Variants in PPP2R3A observed in about 807,000 individuals in gnomAD.
PPP2R3A encodes protein phosphatase 2 regulatory subunit B''alpha, also known as serine/threonine-protein phosphatase 2A regulatory subunit B'' subunit alpha.
In PPP2R3A, 80 loss-of-function variants were observed where a neutral mutation model predicts 106.9. The ratio of observed to expected loss-of-function variants is 0.75; its 90% CI spans 0.62 to 0.90. The LOEUF is 0.90. Ranked by LOEUF, PPP2R3A falls within the 40% of genes least tolerant of loss-of-function variation. The probability of loss-of-function intolerance (pLI) is 0.00; values close to 1 mark genes in which losing one functional copy is unlikely to be tolerated. For synonymous variants in PPP2R3A, 483 were observed against 468.3 expected, an observed-to-expected ratio of 1.03 and a Z score of -0.41; for missense variants, 1,386 against 1,350.4, an observed-to-expected ratio of 1.03 and a Z score of -0.41.
At chr3:135,997,961 C>T (rs1286746641) in intron 1 of PPP2R3A, among the ~76,000 whole-genome samples, 1 of 152,220 alleles carries the variant, frequency 6.6e-6, no homozygotes, top group South Asian at 2.1e-4. Context: ...CAAATTTCAT[C>T]GTGTTACTCT....
intron 12 of PPP2R3A, among the ~76,000 whole-genome samples, chr3:136,105,171 A>G (rs1937483701): frequency 6.6e-6 from 1 of 152,230 alleles, no homozygotes; most frequent in African/African-American, 2.4e-5. Context: ...ACAGCGTGGT[A>G]TCTGAGTTGG....
intron 13 of PPP2R3A, among the ~76,000 whole-genome samples, chr3:136,131,965 G>A (rs553733543): frequency 8.1e-6 from 1 of 123,844 alleles, no homozygotes; most frequent in East Asian, 2.7e-4. Context: ...TGAACAATGA[G>A]AACATATGGA....
At chr3:136,115,072 T>C (rs953797528) in intron 13 of PPP2R3A, among the ~76,000 whole-genome samples, 10 of 152,144 alleles carry the variant, frequency 6.6e-5, no homozygotes, top group African/African-American at 2.4e-4. Context: ...GAGGAAAGAA[T>C]AGGCAGCAAT....
At chr3:136,026,684 C>A in intron 2 of PPP2R3A, 148 bp from the exon 3 acceptor site, 1 of 629,640 alleles carries the variant, frequency 1.6e-6, no homozygotes, top group Non-Finnish European at 2.6e-6. Flanking sequence ...TAAGCATTCC[C>A]TAGAAACATG....
At chr3:136,010,137 A>G (rs1030519102) in intron 2 of PPP2R3A, among the ~76,000 whole-genome samples, 6 of 152,100 alleles carry the variant, frequency 3.9e-5, no homozygotes, top group South Asian at 2.1e-4. Flanking sequence ...TAAAGCAATC[A>G]GAAGAGACCT....
intron 13 of PPP2R3A, among the ~76,000 whole-genome samples, chr3:136,113,051 T>G (rs1488579998): frequency 6.6e-6 from 1 of 151,932 alleles, no homozygotes; most frequent in Non-Finnish European, 1.5e-5. Context: ...GAAAATCGCT[T>G]GAGCCCAGGA....
chr3:136,106,070 T>C (rs1390436993), intron 12 of PPP2R3A, 146 bp from the exon 13 acceptor site: 2 of 658,572 alleles, frequency 3.0e-6, no homozygotes, highest in African/African-American at 3.9e-5. Context: ...CTTAGGAGTT[T>C]TACCTTAGCA....
rs1935476703 is a variant in PPP2R3A, at chr3:136,046,532, T to C, written c.2367-2727T>C. Reference sequence around the variant, plus strand: ...TGAAAGCATGCAGAAATAAAGCCAATTGGCTATACTCAGCTTGCACCACAG... The same window carrying C: ...TGAAAGCATGCAGAAATAAAGCCAACTGGCTATACTCAGCTTGCACCACAG... On this transcript the variant is annotated intron_variant, in intron 4 of 13. Coordinates refer to ENST00000264977, the MANE Select transcript of PPP2R3A (RefSeq NM_002718.5). 2.0e-5 allele frequency among the ~76,000 whole-genome samples: 3 copies of C among 150,140 alleles called. 1 individual carries two copies. In the South Asian group the frequency reaches 6.3e-4, roughly 31 times the overall value.
intron 2 of PPP2R3A, among the ~76,000 whole-genome samples, chr3:136,008,608 A>C (rs1245316460): frequency 6.6e-6 from 1 of 152,216 alleles, no homozygotes; most frequent in Admixed American, 6.5e-5. Flanking sequence ...GATAAAGTTA[A>C]AAATGTAAAT....
At position 136,092,601 on chromosome 3, in the gene PPP2R3A, T is replaced by A. The variant is rs1215771925; in HGVS notation, c.2927+1934T>A. ...TACAGAAAAAATGTAGGACTCATAT[T>A]TCCCTATTCCAAAATATTTCACTAC... On this transcript the variant is annotated intron_variant, in intron 10 of 13. Coordinates refer to ENST00000264977, the MANE Select transcript of PPP2R3A (RefSeq NM_002718.5). Among the ~76,000 whole-genome samples, 5 of 152,206 alleles carry A rather than the reference T, an allele frequency of 3.3e-5. No homozygotes were observed. The South Asian group carries it at 8.3e-4, about 25-fold the overall frequency.
intron 5 of PPP2R3A, among the ~76,000 whole-genome samples, chr3:136,050,383 G>A (rs1041870232): frequency 1.3e-5 from 2 of 152,160 alleles, no homozygotes; most frequent in Admixed American, 6.5e-5. Context: ...CCAGGTTGGC[G>A]GATATTTTTA....
chr3:135,967,345 A>G (rs928932104), intron 1 of PPP2R3A, among the ~76,000 whole-genome samples: 1 of 152,148 alleles, frequency 6.6e-6, no homozygotes, highest in African/African-American at 2.4e-5. Context: ...TGCACTGACA[A>G]CCTGAACATT....
At chr3:136,040,109 T>C (rs772749985) in intron 3 of PPP2R3A, among the ~76,000 whole-genome samples, 2 of 152,168 alleles carry the variant, frequency 1.3e-5, no homozygotes, top group Non-Finnish European at 2.9e-5. Context: ...AATAACATAA[T>C]AGGCAAAGGA....
chr3:136,002,862 C>A lies in PPP2R3A; in HGVS notation c.1364C>A (p.Ala455Asp), dbSNP rs1261901091. 11 of 1,613,704 alleles carry A rather than the reference C, an allele frequency of 6.8e-6. No individual in the cohort carries two copies. The highest frequency in any genetic ancestry group is 9.3e-6 in the Non-Finnish European group (11 of 1,179,900). Residue 455 changes from alanine to aspartate, a missense_variant, in exon 2 of 14, where the codon GCT becomes GAT. Transcript: ENST00000264977. ...NEHRAEFPEH[A>D]THLKKCPTPM... ...CATAGAGCAGAATTTCCAGAACATG[C>A]TACTCATCTTAAAAAATGCCCCACC...
At chr3:136,052,545 T>C (rs9852009) in intron 5 of PPP2R3A, among the ~76,000 whole-genome samples, 100,281 of 151,956 alleles carry the variant, frequency 0.66, 35,217 homozygotes, top group African/African-American at 0.9. Flanking sequence ...CAACTCCACA[T>C]GTAATCTTTT....
intron 5 of PPP2R3A, among the ~76,000 whole-genome samples, chr3:136,067,352 A>G (rs916966746): frequency 6.6e-6 from 1 of 152,192 alleles, no homozygotes; most frequent in South Asian, 2.1e-4. Context: ...GGTTTTCAAG[A>G]TGGTGCACAT....
Position 136,106,278 on chromosome 3 carries a change from G to A in PPP2R3A, c.3285G>A (p.Glu1095=), listed in dbSNP as rs1376797892. ...ACCGGTTTGCCGCTGAGGAGTATGA[G>A]ACGCTTGTTGCAGAGGAATCTGCCC... is the stretch of plus-strand genomic sequence containing the variant. ...DWDRFAAEEY[E]TLVAEESAQA... The change falls in exon 13 of 14, where the codon GAG becomes GAA. Residue 1095 remains glutamate, a synonymous_variant. Coordinates refer to ENST00000264977, the MANE Select transcript of PPP2R3A (RefSeq NM_002718.5). 1 of 1,613,854 alleles carries A rather than the reference G, an allele frequency of 6.2e-7. No individual in the cohort carries two copies. Among genetic ancestry groups the A allele is most frequent in the Non-Finnish European group, 8.5e-7 (1 of 1,179,922 alleles).
chr3:136,091,466 A>T (rs1247005408), intron 10 of PPP2R3A, among the ~76,000 whole-genome samples: 1 of 152,120 alleles, frequency 6.6e-6, no homozygotes, highest in Non-Finnish European at 1.5e-5. Context: ...TAAATGTTTT[A>T]AATAGCTGGG....
intron 2 of PPP2R3A, among the ~76,000 whole-genome samples, chr3:136,012,001 A>G (rs1481534169): frequency 6.6e-6 from 1 of 151,650 alleles, no homozygotes; most frequent in Non-Finnish European, 1.5e-5. Context: ...ACATACACAC[A>G]CACACACACA....
Sources: gnomAD v4.1 joint callset for allele counts (sites outside exome capture counted in the v4.1 genomes callset) on GRCh38, gnomAD v4.1.1 for gene constraint, MANE v1.5 for transcripts, NCBI Gene and HGNC (gene_info 2026-07-23, HGNC 2026-07-21) for gene names.